The following ANGPT1 variants were observed in gnomAD, a reference collection of about 807,000 sequenced individuals.
ANGPT1 encodes the protein angiopoietin 1.
ANGPT1 carries 17 observed loss-of-function variants against 62.2 expected under a neutral mutation model. The ratio of observed to expected loss-of-function variants is 0.27; its 90% CI spans 0.19 to 0.41. The LOEUF is 0.41. Ranked by LOEUF, ANGPT1 falls within the 10% of genes least tolerant of loss-of-function variation. The pLI, the probability that ANGPT1 is intolerant of heterozygous loss-of-function variation, is 1.00. For synonymous variants in ANGPT1, 199 were observed against 198.9 expected (o/e 1.00, Z 0.00); for missense variants, 478 against 594.9 (o/e 0.80, Z 2.04).
At chr8:107,423,625 T>G (rs1286537979) in intron 1 of ANGPT1, among the ~76,000 whole-genome samples, 2 of 152,094 alleles carry the variant, frequency 1.3e-5, no homozygotes, top group Non-Finnish European at 2.9e-5. Flanking sequence ...TCTGCACAAA[T>G]CTCTCTCTGT....
intron 3 of ANGPT1, 37 bp downstream of exon 3, chr8:107,336,113 A>T (rs1188669980): frequency 6.4e-7 from 1 of 1,569,806 alleles, no homozygotes; most frequent in Non-Finnish European, 8.6e-7. Context: ...ATAAATAAGT[A>T]CACACAGAAA....
At chr8:107,274,757 T>A (rs967054827) in intron 7 of ANGPT1, among the ~76,000 whole-genome samples, 1 of 152,114 alleles carries the variant, frequency 6.6e-6, no homozygotes, top group Admixed American at 6.6e-5. Context: ...GCTGTGTGGA[T>A]TCGCACAAAA....
chr8:107,328,473 AGATT>A (rs1459114958), intron 3 of ANGPT1, among the ~76,000 whole-genome samples: 1 of 152,066 alleles, frequency 6.6e-6, no homozygotes, highest in Non-Finnish European at 1.5e-5. Flanking sequence ...AGAAAAAAAA[AGATT>A]GATACATTTC....
At chr8:107,284,369 A>ACT (rs68139656) in intron 7 of ANGPT1, 131,730 of 169,106 alleles carry the variant, frequency 0.78, 51,821 homozygotes, top group African/African-American at 0.85. Flanking sequence ...TGAGTATGAA[A>ACT]CTTATCAGTT....
intron 1 of ANGPT1, among the ~76,000 whole-genome samples, chr8:107,426,009 C>G (rs1811032300): frequency 6.6e-6 from 1 of 152,138 alleles, no homozygotes; most frequent in South Asian, 2.1e-4. Flanking sequence ...AATGCACCAC[C>G]AGGTATAAAA....
chr8:107,411,035 C>G lies in ANGPT1; in HGVS notation c.298-63938G>C, dbSNP rs77172541. On this transcript the variant is annotated intron_variant, in intron 1 of 8. Transcript: ENST00000517746. ...TGGTTTCTGTGGATTTGAACAAAAT[C>G]ATAGGATAAAAACTCAAAATCCTGA... Among the ~76,000 whole-genome samples the G allele has an allele frequency of 5.6e-3, 857 of 152,180 alleles. 1 individual carries two copies. The highest frequency in any genetic ancestry group is 7.4e-3 in the Non-Finnish European group (506 of 67,966).
At chr8:107,329,409 C>G (rs1457088488) in intron 3 of ANGPT1, among the ~76,000 whole-genome samples, 10 of 151,950 alleles carry the variant, frequency 6.6e-5, no homozygotes, top group Non-Finnish European at 8.8e-5. Context: ...ATGGAGGAAA[C>G]AGTCATAGGT....
chr8:107,393,671 G>A (rs556639153), intron 1 of ANGPT1, among the ~76,000 whole-genome samples: 103 of 152,144 alleles, frequency 6.8e-4, no homozygotes, highest in Middle Eastern at 3.4e-3. Context: ...TTAGCCAGGC[G>A]TGGTGGCAGG....
At chr8:107,291,899 G>C (rs935945587) in intron 6 of ANGPT1, among the ~76,000 whole-genome samples, 9 of 145,644 alleles carry the variant, frequency 6.2e-5, no homozygotes, top group Non-Finnish European at 1.1e-4. Context: ...GATGGGGGGG[G>C]GGGGGGGCTT....
intron 3 of ANGPT1, among the ~76,000 whole-genome samples, chr8:107,326,290 A>G (rs1026637017): frequency 6.6e-6 from 1 of 152,126 alleles, no homozygotes; most frequent in African/African-American, 2.4e-5. Flanking sequence ...TTGTTTCTCT[A>G]ATGGCAAGTC....
At chr8:107,328,526 T>A (rs987325475) in intron 3 of ANGPT1, among the ~76,000 whole-genome samples, 7 of 151,936 alleles carry the variant, frequency 4.6e-5, no homozygotes, top group Non-Finnish European at 1.0e-4. Flanking sequence ...AAAAATAAGT[T>A]GGACAATAAA....
At chr8:107,464,724 G>GT (rs1444674785) in intron 1 of ANGPT1, among the ~76,000 whole-genome samples, 1 of 152,108 alleles carries the variant, frequency 6.6e-6, no homozygotes, top group Non-Finnish European at 1.5e-5. Flanking sequence ...TAAATTTATT[G>GT]TAAGGATCAA....
intron 7 of ANGPT1, among the ~76,000 whole-genome samples, chr8:107,280,246 A>C (rs571745894): frequency 5.3e-5 from 8 of 150,852 alleles, no homozygotes; most frequent in Non-Finnish European, 1.0e-4. Context: ...TGTCGCCCTG[A>C]CTGGAGTGTA....
intron 1 of ANGPT1, among the ~76,000 whole-genome samples, chr8:107,391,961 C>T (rs1439948073): frequency 1.3e-5 from 2 of 152,080 alleles, no homozygotes; most frequent in African/African-American, 4.8e-5. Flanking sequence ...ATGTGACCAC[C>T]AGGGTATATA....
At chr8:107,287,629 G>A (rs1338977749) in intron 6 of ANGPT1, among the ~76,000 whole-genome samples, 1 of 152,174 alleles carries the variant, frequency 6.6e-6, no homozygotes, top group Non-Finnish European at 1.5e-5. Flanking sequence ...GGGGAATTGT[G>A]TTCCCACATT....
At chr8:107,439,533 T>C (rs1292898134) in intron 1 of ANGPT1, among the ~76,000 whole-genome samples, 1 of 152,180 alleles carries the variant, frequency 6.6e-6, no homozygotes, top group Non-Finnish European at 1.5e-5. Flanking sequence ...GAATCACTTT[T>C]TAACGAATAT....
In ANGPT1 at chr8:107,370,385, AAAG is replaced by A. The variant is rs1382650844; in HGVS notation, c.298-23291_298-23289del. Among the ~76,000 whole-genome samples, 232 of 40,348 alleles carry A rather than the reference AAAG, an allele frequency of 5.7e-3. 62 individuals are homozygous for A. The highest frequency in any genetic ancestry group is 0.052 in the East Asian group (21 of 404). The allele number at this position is 40,348 out of a possible 152,430, so 26.5% of individuals were successfully genotyped here. Reference sequence around the variant, plus strand: ...GAAAGAAAGAAAGAAAGAAAGAAAGAAAGAAAGAAAGAAAGAAAGAAAGAGTCA... The same window carrying A: ...GAAAGAAAGAAAGAAAGAAAGAAAGAAAAGAAAGAAAGAAAGAAAGAGTCA... On this transcript the variant is annotated intron_variant, in intron 1 of 8. Transcript: ENST00000517746.
At chr8:107,276,795 T>A (rs562885554) in intron 7 of ANGPT1, among the ~76,000 whole-genome samples, 1 of 152,308 alleles carries the variant, frequency 6.6e-6, no homozygotes, top group African/African-American at 2.4e-5. Context: ...CCCGATACAG[T>A]GTTTTACAAA....
At chr8:107,486,951 G>A (rs1233972336) in intron 1 of ANGPT1, among the ~76,000 whole-genome samples, 3 of 152,134 alleles carry the variant, frequency 2.0e-5, no homozygotes, top group African/African-American at 4.8e-5. Context: ...TATTTGATTA[G>A]GTAACTGGCT....
Sources: allele counts gnomAD v4.1 joint callset (sites outside exome capture counted in the v4.1 genomes callset), GRCh38; gene constraint gnomAD v4.1.1; transcripts MANE v1.5; gene names NCBI Gene and HGNC (gene_info 2026-07-23, HGNC 2026-07-21).